The following UTP20 variants were observed in gnomAD, a reference collection of about 807,000 sequenced individuals.
UTP20 encodes UTP20 small subunit processome component.
A neutral mutation model predicts 329.5 loss-of-function variants in UTP20; 164 were observed. The ratio of observed to expected loss-of-function variants is 0.50; its 90% confidence interval spans 0.44 to 0.57. The LOEUF is 0.57. Among genes scored for constraint, UTP20 ranks in the 20% least tolerant of loss-of-function variants. The pLI, the probability that UTP20 is intolerant of heterozygous loss-of-function variation, is 0.00. For synonymous variants in UTP20, 1,151 were observed against 1,159.3 expected (o/e 0.99, Z 0.14); for missense variants, 3,055 against 3,284.2 (o/e 0.93, Z 1.71).
At chr12:101,341,384 T>A (rs1378200557) in intron 32 of UTP20, among the ~76,000 whole-genome samples, 1 of 152,126 alleles carries the variant, frequency 6.6e-6, no homozygotes, top group Non-Finnish European at 1.5e-5. Context: ...CAAACCCTAG[T>A]TCAATCTTAA....
chr12:101,342,145 C>T (rs568320010), intron 32 of UTP20, among the ~76,000 whole-genome samples: 166 of 151,988 alleles, frequency 1.1e-3, no homozygotes, highest in Middle Eastern at 3.4e-3. Context: ...TACCGAGGGA[C>T]GACTGTACTT....
chr12:101,331,517 C>T (rs1180176759), intron 27 of UTP20, among the ~76,000 whole-genome samples: 1 of 152,134 alleles, frequency 6.6e-6, no homozygotes, highest in Non-Finnish European at 1.5e-5. Flanking sequence ...AGATAATAAG[C>T]TGAAAGTAGA....
At chr12:101,295,159 G>A (rs1019322856) in intron 11 of UTP20, among the ~76,000 whole-genome samples, 2 of 152,016 alleles carry the variant, frequency 1.3e-5, no homozygotes, top group Non-Finnish European at 2.9e-5. Context: ...AATTTTGGTG[G>A]AATTTATTTT....
At position 101,357,072 on chromosome 12, in the gene UTP20, G is replaced by T; in HGVS notation, c.5681G>T (p.Arg1894Leu). Residue 1894 changes from arginine to leucine, a missense_variant, in exon 43 of 62, where the codon CGT (arginine) becomes CTT (leucine). Coordinates refer to ENST00000261637, the MANE Select transcript of UTP20 (RefSeq NM_014503.3). ...VLKELQTTLV[R>L]GYQVHVLTFT... ...AAAGAATTACAGACTACTCTTGTCC[G>T]TGGATACCAGGTAAATTGCATCTTG... is the stretch of plus-strand genomic sequence containing the variant. 6.2e-7 allele frequency: 1 copy of T among 1,607,146 alleles called. No homozygotes were observed. Among genetic ancestry groups the T allele is most frequent in the African/African-American group, 1.3e-5 (1 of 74,702 alleles).
chr12:101,379,238 C>A lies in UTP20; in HGVS notation c.7397-133C>A, dbSNP rs1440078238. On this transcript the variant is annotated intron_variant, in intron 56 of 61. Transcript: ENST00000261637. ...TTCATCCCCTGCCCCCACTTCCCAG[C>A]CATTGGCTTATTTTGTTCATCTTTG... 8 of 702,312 alleles carry A rather than the reference C, an allele frequency of 1.1e-5. No individual in the cohort carries two copies. The East Asian group carries it at 2.0e-4, about 17-fold the overall frequency. The allele number at this position is 702,312 out of a possible 1,614,324, so 43.5% of individuals were successfully genotyped here.
chr12:101,346,347 G>C (rs550752009), intron 37 of UTP20, 104 bp from the exon 38 acceptor site: 9 of 1,369,360 alleles, frequency 6.6e-6, no homozygotes, highest in Non-Finnish European at 8.7e-6. Flanking sequence ...ACCGCACCTG[G>C]CCACTCCTTT....
At position 101,286,505 on chromosome 12, in the gene UTP20, T is replaced by C; in HGVS notation, c.511T>C (p.Tyr171His). The change falls in exon 5 of 62, where the codon TAC becomes CAC. Residue 171 changes from tyrosine to histidine, a missense_variant. By Grantham distance (83) the Tyr-to-His change is moderately conservative. Transcript: ENST00000261637. ...RLMVKDMSSI[Y>H]SMYSTLLAHK... ...GATGGTGAAGGACATGTCCAGTATA[T>C]ACAGGTAACCCCTTTCTCTCTCTAG... 1 of 1,585,378 alleles carries C rather than the reference T, an allele frequency of 6.3e-7. No homozygotes were observed. The highest frequency in any genetic ancestry group is 8.6e-7 in the Non-Finnish European group (1 of 1,165,910).
At chr12:101,285,230 A>G (rs1316065226) in intron 2 of UTP20, among the ~76,000 whole-genome samples, 3 of 152,218 alleles carry the variant, frequency 2.0e-5, no homozygotes, top group Admixed American at 2.0e-4. Flanking sequence ...TCATATTTCT[A>G]AAAGCAGAAT....
intron 35 of UTP20, 76 bp from the exon 36 acceptor site, chr12:101,344,519 G>A: frequency 1.3e-6 from 1 of 768,978 alleles, no homozygotes. Context: ...TTTTGTAGAT[G>A]CTTGCACTGG....
At position 101,381,188 on chromosome 12, in the gene UTP20, T is replaced by C. The variant is rs895701320; in HGVS notation, c.7633T>C (p.Leu2545=). 5.0e-6 allele frequency: 8 copies of C among 1,614,012 alleles called. No individual in the cohort carries two copies. Among genetic ancestry groups the C allele is most frequent in the Non-Finnish European group, 6.8e-6 (8 of 1,179,840 alleles). The change falls in exon 58 of 62, where the codon TTG becomes CTG. Residue 2545 remains leucine (L), a synonymous_variant. Coordinates refer to ENST00000261637, the MANE Select transcript of UTP20 (RefSeq NM_014503.3). ...ASCHQLHSKF[L]DQSLGEQVVK... ...TTGCCATCAATTGCATTCCAAATTC[T>C]TGGATCAGTCTCTAGGAGAACAGGT... is the stretch of plus-strand genomic sequence containing the variant.
At chr12:101,293,044 G>C in intron 10 of UTP20, 124 bp from the exon 11 acceptor site, 4 of 897,100 alleles carry the variant, frequency 4.5e-6, no homozygotes, top group Non-Finnish European at 6.9e-6. Context: ...TTTGGAGAAG[G>C]CCGGGCAACT....
chr12:101,306,629 G>C, intron 16 of UTP20, 70 bp from the exon 17 acceptor site: 1 of 1,387,348 alleles, frequency 7.2e-7, no homozygotes, highest in East Asian at 2.3e-5. Flanking sequence ...CTTAAATCTT[G>C]CTGACTGTGA....
intron 15 of UTP20, 71 bp downstream of exon 15, chr12:101,302,624 G>C (rs1872550383): frequency 9.8e-7 from 1 of 1,019,852 alleles, no homozygotes; most frequent in Non-Finnish European, 1.4e-6. Context: ...TGAAATCTTG[G>C]ACACAAAGAA....
Position 101,327,219 on chromosome 12 carries a change from G to A in UTP20, c.3180G>A (p.Leu1060=), listed in dbSNP as rs780111734. Residue 1060 remains leucine (L), a synonymous_variant, in exon 26 of 62, where the codon CTG becomes CTA. Coordinates refer to ENST00000261637, the MANE Select transcript of UTP20 (RefSeq NM_014503.3). The stretch of plus-strand genomic sequence containing the variant: ...AGATCCAGATATTCTTAGACCTGCT[G>A]TTTGAACCTGTGAGGCATTTCAAGA... The part of the protein sequence containing the change: ...PEEIQIFLDL[L]FEPVRHFKNG... The A allele has an allele frequency of 3.1e-6, 5 of 1,601,388 alleles. No homozygotes were observed. Among genetic ancestry groups the A allele is most frequent in the Non-Finnish European group, 2.6e-6 (3 of 1,169,954 alleles).
At chr12:101,347,103 C>T (rs1389571854) in intron 38 of UTP20, among the ~76,000 whole-genome samples, 1 of 152,158 alleles carries the variant, frequency 6.6e-6, no homozygotes, top group African/African-American at 2.4e-5. Flanking sequence ...GGTTATATAA[C>T]TTTCTCAGAG....
chr12:101,327,444 A>G (rs957129078), intron 26 of UTP20, among the ~76,000 whole-genome samples, 197 bp downstream of exon 26: 1 of 152,170 alleles, frequency 6.6e-6, no homozygotes, highest in Admixed American at 6.5e-5. Context: ...GGCCCTGTGG[A>G]TTATCGGCAC....
chr12:101,385,632 G>A lies in UTP20; in HGVS notation c.8106G>A (p.Lys2702=), dbSNP rs757021512. 1.2e-6 allele frequency: 2 copies of A among 1,613,946 alleles called. No homozygotes were observed. The highest frequency in any genetic ancestry group is 1.7e-6 in the Non-Finnish European group (2 of 1,179,986). Residue 2702 remains lysine (K), a synonymous_variant, in exon 61 of 62, where the codon AAG becomes AAA. Coordinates refer to ENST00000261637, the MANE Select transcript of UTP20 (RefSeq NM_014503.3). The part of the protein sequence containing the change: ...LSQEIIELLK[K]LVGLESFSLA... ...AGGAAATCATAGAATTACTCAAAAA[G>A]CTGGTTGGGCTTGAGAGCTTCTCAT...
At chr12:101,362,193 C>A in intron 44 of UTP20, 133 bp downstream of exon 44, 1 of 638,004 alleles carries the variant, frequency 1.6e-6, no homozygotes, top group Non-Finnish European at 2.7e-6. Context: ...TTTAGATTAG[C>A]AGAGGTTTAA....
Position 101,373,649 on chromosome 12 carries a change from ACT to A in UTP20, c.7016_7017del (p.Ser2339CysfsTer17), listed in dbSNP as rs1376625241. 3 of 1,613,372 alleles carry A rather than the reference ACT, an allele frequency of 1.9e-6. No individual in the cohort carries two copies. Among genetic ancestry groups the A allele is most frequent in the Non-Finnish European group, 2.5e-6 (3 of 1,179,882 alleles). ...CTTTGTCTAATGACGATCAATGATG[ACT>A]CTGCCACGTGCAAAAAGATGGCATC... On this transcript the variant is annotated frameshift_variant, in exon 54 of 62. Coordinates refer to ENST00000261637, the MANE Select transcript of UTP20 (RefSeq NM_014503.3). LOFTEE classifies it high-confidence loss of function.
Sources: allele counts gnomAD v4.1 joint callset (sites outside exome capture counted in the v4.1 genomes callset), GRCh38; gene constraint gnomAD v4.1.1; transcripts MANE v1.5; gene names NCBI Gene and HGNC (gene_info 2026-07-23, HGNC 2026-07-21).